The following ADAMTS18 variants were observed in gnomAD, a reference collection of about 807,000 sequenced individuals.
ADAMTS18 encodes A disintegrin and metalloproteinase with thrombospondin motifs 18.
ADAMTS18 carries 157 observed loss-of-function variants against 165.9 expected under a neutral mutation model. That is an observed-to-expected ratio of 0.95 (90% CI 0.83 to 1.08). ADAMTS18 has a LOEUF of 1.08. ADAMTS18 is among the 50% of genes least tolerant of loss of function. The pLI, the probability that ADAMTS18 is intolerant of heterozygous loss-of-function variation, is 0.00. For synonymous variants in ADAMTS18, 782 were observed against 578.2 expected (o/e 1.35, Z -5.06); for missense variants, 2,040 against 1,534.0 (o/e 1.33, Z -5.51).
chr16:77,417,416 T>G (rs1421628831), intron 3 of ADAMTS18, among the ~76,000 whole-genome samples: 1 of 152,166 alleles, frequency 6.6e-6, no homozygotes, highest in Non-Finnish European at 1.5e-5. Context: ...TTTGCTTACC[T>G]TATATATTTA....
intron 16 of ADAMTS18, among the ~76,000 whole-genome samples, chr16:77,303,996 C>T (rs2055637157): frequency 6.6e-6 from 1 of 152,162 alleles, no homozygotes; most frequent in Admixed American, 6.5e-5. Flanking sequence ...CGCAACTGCC[C>T]TCCAGCCTGG....
intron 3 of ADAMTS18, among the ~76,000 whole-genome samples, chr16:77,372,500 A>T (rs971837101): frequency 1.3e-5 from 2 of 152,230 alleles, no homozygotes; most frequent in Admixed American, 6.5e-5. Flanking sequence ...CATCGACATG[A>T]TGTGTAGAGC....
chr16:77,431,931 G>C (rs977335604), intron 2 of ADAMTS18, among the ~76,000 whole-genome samples: 1 of 152,094 alleles, frequency 6.6e-6, no homozygotes, highest in African/African-American at 2.4e-5. Context: ...AATGGTCTGG[G>C]CCTTTTATAA....
intron 3 of ADAMTS18, among the ~76,000 whole-genome samples, chr16:77,412,871 G>C (rs1025611851): frequency 6.6e-6 from 1 of 152,052 alleles, no homozygotes; most frequent in Non-Finnish European, 1.5e-5. Context: ...TGGGGATACA[G>C]CCAAACCATA....
chr16:77,405,451 T>A (rs1170001645), intron 3 of ADAMTS18, among the ~76,000 whole-genome samples: 1 of 152,170 alleles, frequency 6.6e-6, no homozygotes. Flanking sequence ...TCAACTCAAT[T>A]TGATGTTGAG....
chr16:77,355,169 C>T (rs973040054), intron 9 of ADAMTS18, among the ~76,000 whole-genome samples: 5 of 148,738 alleles, frequency 3.4e-5, no homozygotes, highest in African/African-American at 7.4e-5. Flanking sequence ...ATCTAAGTGT[C>T]CTTGTGGGTC....
At chr16:77,349,267 T>C (rs780692662) in intron 10 of ADAMTS18, among the ~76,000 whole-genome samples, 5 of 152,048 alleles carry the variant, frequency 3.3e-5, no homozygotes, top group Non-Finnish European at 5.9e-5. Context: ...TTTCGGTTCC[T>C]AAATAAGATG....
chr16:77,363,858 T>C lies in ADAMTS18; in HGVS notation c.1000A>G (p.Ile334Val), dbSNP rs1318309936. The change falls in exon 6 of 23, where the codon ATT becomes GTT. Residue 334 changes from isoleucine to valine, a missense_variant. By Grantham distance (29) the Ile-to-Val change is conservative (BLOSUM62 3). Transcript: ENST00000282849. ...MVSGLFKDGT[I>V]GSDINVVVVS... ...ACAACCACGTTTATGTCACTTCCAA[T>C]AGTCCCATCTTTAAATAGGCCAGAA... 2 of 1,613,876 alleles carry C rather than the reference T, an allele frequency of 1.2e-6. No homozygotes were observed. Among genetic ancestry groups the C allele is most frequent in the East Asian group, 2.2e-5 (1 of 44,854 alleles).
At chr16:77,345,493 C>G (rs2056462558) in intron 10 of ADAMTS18, among the ~76,000 whole-genome samples, 1 of 152,158 alleles carries the variant, frequency 6.6e-6, no homozygotes, top group African/African-American at 2.4e-5. Context: ...TCCATTTCTA[C>G]TACCCTGTTC....
rs770019651 is a variant in ADAMTS18 at position 77,431,464 on chromosome 16, T to A, written c.326A>T (p.His109Leu). The A allele has an allele frequency of 6.2e-7, 1 of 1,614,224 alleles. No individual in the cohort carries two copies. The highest frequency in any genetic ancestry group is 1.7e-5 in the Admixed American group (1 of 60,026). ...AATCGCCGAGGGCTTAAGTTCTAAG[T>A]GCAGTTCCTGTCCAAATGCTGAAAA... ...YRFSAFGQEL[H>L]LELKPSAILS... Residue 109 changes from histidine to leucine, a missense_variant, in exon 3 of 23, where the codon CAC becomes CTC. Physicochemically the swap from His to Leu is moderately conservative, Grantham distance 99. Transcript: ENST00000282849.
chr16:77,363,496 T>C (rs188174909), intron 6 of ADAMTS18, among the ~76,000 whole-genome samples: 1 of 151,196 alleles, frequency 6.6e-6, no homozygotes, highest in African/African-American at 2.4e-5. Context: ...ATTTATTTTA[T>C]GTAACATATT....
intron 12 of ADAMTS18, among the ~76,000 whole-genome samples, chr16:77,330,734 C>G (rs900418496): frequency 1.1e-4 from 16 of 152,076 alleles, no homozygotes; most frequent in Admixed American, 1.3e-4. Context: ...CAAAAAAAAA[C>G]TGGTAAATCT....
intron 22 of ADAMTS18, among the ~76,000 whole-genome samples, chr16:77,288,618 A>ATTACTTTTGATTTCTGAATTTTTTAT (rs2055301871): frequency 1.3e-5 from 2 of 152,128 alleles, no homozygotes; most frequent in South Asian, 4.1e-4. Flanking sequence ...ACTGATGACT[A>ATTACTTTTGATTTCTGAATTTTTTAT]TTACTTTTGA....
chr16:77,334,051 T>C (rs1463704208), intron 12 of ADAMTS18, among the ~76,000 whole-genome samples: 3 of 135,486 alleles, frequency 2.2e-5, no homozygotes, highest in African/African-American at 8.4e-5. Flanking sequence ...ATATATAATA[T>C]ACAGTGCTAT....
At chr16:77,290,094 T>G (rs905366181) in intron 21 of ADAMTS18, among the ~76,000 whole-genome samples, 1 of 152,260 alleles carries the variant, frequency 6.6e-6, no homozygotes, top group African/African-American at 2.4e-5. Context: ...TTTTCTTAAA[T>G]GTACATATGC....
chr16:77,396,347 G>T (rs2057256816), intron 3 of ADAMTS18, among the ~76,000 whole-genome samples: 3 of 152,156 alleles, frequency 2.0e-5, no homozygotes, highest in Admixed American at 6.5e-5. Flanking sequence ...TTATCAATAT[G>T]GCTTCAAACT....
At chr16:77,427,930 T>A (rs1280583238) in intron 3 of ADAMTS18, among the ~76,000 whole-genome samples, 1 of 152,266 alleles carries the variant, frequency 6.6e-6, no homozygotes, top group African/African-American at 2.4e-5. Flanking sequence ...TGTACGTACA[T>A]ACGTATTCAC....
At chr16:77,333,776 T>G (rs1486204755) in intron 12 of ADAMTS18, among the ~76,000 whole-genome samples, 1 of 149,252 alleles carries the variant, frequency 6.7e-6, no homozygotes, top group Non-Finnish European at 1.5e-5. Flanking sequence ...CTTTATCCAT[T>G]CATCCTACTA....
intron 3 of ADAMTS18, among the ~76,000 whole-genome samples, chr16:77,396,353 A>G (rs2057256903): frequency 6.6e-6 from 1 of 152,240 alleles, no homozygotes; most frequent in Admixed American, 6.5e-5. Context: ...ATATGGCTTC[A>G]AACTGCTGTA....
Sources: allele counts gnomAD v4.1 joint callset (sites outside exome capture counted in the v4.1 genomes callset), GRCh38; gene constraint gnomAD v4.1.1; transcripts MANE v1.5; gene names NCBI Gene and HGNC (gene_info 2026-07-23, HGNC 2026-07-21).